The following CEP120 variants were observed in gnomAD, a reference collection of about 807,000 sequenced individuals.
CEP120 encodes centrosomal protein of 120 kDa.
CEP120 carries 113 observed loss-of-function variants against 126.5 expected under a neutral mutation model. That is an observed-to-expected ratio of 0.89 (90% confidence interval 0.77 to 1.04). CEP120 has a LOEUF of 1.04. CEP120 is among the 50% of genes least tolerant of loss of function. CEP120 has a pLI of 0.00. For missense variants in CEP120, 1,230 were observed against 1,155.7 expected, an observed-to-expected ratio of 1.06 and a Z score of -0.93; for synonymous variants, 400 against 394.3, an observed-to-expected ratio of 1.01 and a Z score of -0.17.
rs186345554 is a variant in CEP120 at position 123,405,431 on chromosome 5, T to C, written c.464-6147A>G. ...CATTCTGAAACATGCCAGACAATTC[T>C]GTTCTTGTTAACAAGGCCTGCCCTC... is the stretch of plus-strand genomic sequence containing the variant. On this transcript the variant is annotated intron_variant, in intron 4 of 19. Transcript: ENST00000306467. 1.5e-3 allele frequency among the ~76,000 whole-genome samples: 221 copies of C among 152,336 alleles called. 2 individuals carry two copies. The Middle Eastern group carries it at 0.027, about 19-fold the overall frequency.
rs1242899809 is a variant in CEP120, at chr5:123,346,193, C to T, written c.*326G>A. On this transcript the variant is annotated 3_prime_UTR_variant, in exon 20 of 20. Coordinates refer to ENST00000306467, the MANE Select transcript of CEP120 (RefSeq NM_001375405.1). The stretch of plus-strand genomic sequence containing the variant: ...TGGCTCAACATGAAACATTATAGAA[C>T]TGGAAATTACCGCAGTCATTTCTCC... The T allele has an allele frequency of 4.4e-6, 1 of 229,098 alleles. No homozygotes were observed. Among genetic ancestry groups the T allele is most frequent in the Non-Finnish European group, 8.5e-6 (1 of 117,520 alleles). The allele number at this position is 229,098 out of a possible 1,614,324, so 14.2% of individuals were successfully genotyped here. A position where few individuals can be genotyped will look rare whatever the true frequency, so the allele number is the denominator to read the frequency against.
chr5:123,384,326 G>A (rs13176035), intron 11 of CEP120, among the ~76,000 whole-genome samples: 60,882 of 151,648 alleles, frequency 0.4, 12,366 homozygotes, highest in East Asian at 0.48. Flanking sequence ...TAATGATAAA[G>A]GGCATATGAT....
chr5:123,400,804 T>C lies in CEP120; in HGVS notation c.464-1520A>G, dbSNP rs1773159182. ...ACTCCCCCGCGGGTGGACTGAGGCC[T>C]AGGGCTGAGCCTCAGGTGGGTCTCC... is the stretch of plus-strand genomic sequence containing the variant. On this transcript the variant is annotated intron_variant, in intron 4 of 19. Coordinates refer to ENST00000306467, the MANE Select transcript of CEP120 (RefSeq NM_001375405.1). The C allele has an allele frequency of 2.1e-5, 16 of 770,892 alleles. 1 individual carries two copies. The South Asian group carries it at 2.1e-4, about 10-fold the overall frequency. The allele number at this position is 770,892 out of a possible 1,614,324, so 47.8% of individuals were successfully genotyped here.
At chr5:123,368,903 A>G (rs1420752549) in intron 17 of CEP120, among the ~76,000 whole-genome samples, 6 of 151,854 alleles carry the variant, frequency 4.0e-5, no homozygotes. Context: ...AAACAATGTT[A>G]CTCTTCTCAA....
intron 16 of CEP120, among the ~76,000 whole-genome samples, chr5:123,374,599 A>G (rs1319947158): frequency 6.6e-6 from 1 of 152,086 alleles, no homozygotes; most frequent in East Asian, 1.9e-4. Flanking sequence ...ACTTACCTAA[A>G]TCTGAAATAT....
chr5:123,353,593 T>G (rs1769357865), intron 18 of CEP120, among the ~76,000 whole-genome samples: 1 of 151,990 alleles, frequency 6.6e-6, no homozygotes, highest in South Asian at 2.1e-4. Context: ...AAATGTTTAC[T>G]AAAATTCAAA....
intron 18 of CEP120, among the ~76,000 whole-genome samples, chr5:123,351,559 C>G (rs1769201718): frequency 6.6e-6 from 1 of 152,088 alleles, no homozygotes; most frequent in South Asian, 2.1e-4. Context: ...ATAAGAATTA[C>G]AACAGCATTA....
intron 17 of CEP120, among the ~76,000 whole-genome samples, chr5:123,369,864 G>A (rs1057249533): frequency 6.6e-6 from 1 of 151,888 alleles, no homozygotes; most frequent in African/African-American, 2.4e-5. Flanking sequence ...TCTCCCTGAG[G>A]AATCTGTCTT....
chr5:123,402,272 G>C, intron 4 of CEP120: 2 of 1,482,946 alleles, frequency 1.3e-6, no homozygotes, highest in South Asian at 1.2e-5. Context: ...CACTTGTGTA[G>C]GAGTGGCTGC....
chr5:123,381,291 G>T (rs1771626094), intron 14 of CEP120, among the ~76,000 whole-genome samples: 1 of 152,046 alleles, frequency 6.6e-6, no homozygotes, highest in South Asian at 2.1e-4. Flanking sequence ...ACAGACACTA[G>T]CAATCTTGCT....
chr5:123,353,827 GTTACTGTCTA>G (rs1399313507), intron 18 of CEP120, among the ~76,000 whole-genome samples: 1 of 151,940 alleles, frequency 6.6e-6, no homozygotes, highest in Non-Finnish European at 1.5e-5. Context: ...GATATGGGTA[GTTACTGTCTA>G]TTCTTGTCCT....
At chr5:123,383,426 C>T (rs1771796750) in intron 11 of CEP120, among the ~76,000 whole-genome samples, 1 of 152,084 alleles carries the variant, frequency 6.6e-6, no homozygotes, top group African/African-American at 2.4e-5. Context: ...TATAGATATA[C>T]ATGCACACAT....
chr5:123,346,508 T>G lies in CEP120; in HGVS notation c.*11A>C. The G allele has an allele frequency of 6.3e-7, 1 of 1,589,462 alleles. No homozygotes were observed. Among genetic ancestry groups the G allele is most frequent in the South Asian group, 1.1e-5 (1 of 88,986 alleles). ...AGACTTAGAGTCTCTATAAAGCTTT[T>G]CCAAATGTTATTAATTACTGGCATT... is the stretch of plus-strand genomic sequence containing the variant. On this transcript the variant is annotated 3_prime_UTR_variant, in exon 20 of 20. Coordinates refer to ENST00000306467, the MANE Select transcript of CEP120 (RefSeq NM_001375405.1).
chr5:123,377,421 A>C lies in CEP120; in HGVS notation c.2311T>G (p.Leu771Val), dbSNP rs752408297. 3 of 1,610,954 alleles carry C rather than the reference A, an allele frequency of 1.9e-6. No homozygotes were observed. In the East Asian group the frequency reaches 6.7e-5, roughly 36 times the overall value. ...DCIHQVELER[L>V]KIKQLEEDKH... ...TCCTCTTCGAGCTGTTTGATTTTTA[A>C]CCTTTCTAGTTCTACTTGGTGAATA... Residue 771 changes from leucine to valine, a missense_variant, in exon 16 of 20, where the codon TTA (leucine) becomes GTA (valine). Physicochemically the swap from Leu to Val is conservative, Grantham distance 32. Coordinates refer to ENST00000306467, the MANE Select transcript of CEP120 (RefSeq NM_001375405.1).
intron 17 of CEP120, among the ~76,000 whole-genome samples, chr5:123,370,910 A>C (rs984152694): frequency 6.6e-6 from 1 of 151,686 alleles, no homozygotes; most frequent in Non-Finnish European, 1.5e-5. Flanking sequence ...CCAGTCCCCA[A>C]TGTTACTTTC....
rs1279758957 is a variant in CEP120, at chr5:123,346,492, G to C, written c.*27C>G. 6.8e-7 allele frequency: 1 copy of C among 1,476,936 alleles called. No individual in the cohort carries two copies. Among genetic ancestry groups the C allele is most frequent in the Non-Finnish European group, 9.3e-7 (1 of 1,074,474 alleles). 91.5% of individuals were successfully genotyped at this position (1,476,936 alleles called of 1,614,324 possible). A position where few individuals can be genotyped will look rare whatever the true frequency, so the allele number is the denominator to read the frequency against. On this transcript the variant is annotated 3_prime_UTR_variant, in exon 20 of 20. Coordinates refer to ENST00000306467, the MANE Select transcript of CEP120 (RefSeq NM_001375405.1). ...AAAGAAATTAAAATTTAGACTTAGA[G>C]TCTCTATAAAGCTTTTCCAAATGTT... is the stretch of plus-strand genomic sequence containing the variant.
intron 11 of CEP120, 30 bp from the exon 12 acceptor site, chr5:123,383,112 T>G: frequency 8.3e-7 from 1 of 1,198,084 alleles, no homozygotes; most frequent in Non-Finnish European, 1.2e-6. Flanking sequence ...TACCTTAAAA[T>G]TCACAGAAAT....
chr5:123,363,279 G>T (rs577356752), intron 18 of CEP120, among the ~76,000 whole-genome samples: 1 of 151,424 alleles, frequency 6.6e-6, no homozygotes, highest in Non-Finnish European at 1.5e-5. Flanking sequence ...TTAAATAGAC[G>T]TACTTTCTCC....
At chr5:123,355,920 G>T (rs976737684) in intron 18 of CEP120, among the ~76,000 whole-genome samples, 49 of 150,042 alleles carry the variant, frequency 3.3e-4, no homozygotes, top group African/African-American at 1.0e-3. Context: ...GGTCTAACAT[G>T]TAAGTCTTTA....
Sources: gnomAD v4.1 joint callset for allele counts (sites outside exome capture counted in the v4.1 genomes callset) on GRCh38, gnomAD v4.1.1 for gene constraint, MANE v1.5 for transcripts, NCBI Gene and HGNC (gene_info 2026-07-23, HGNC 2026-07-21) for gene names.